Variants in PGGT1B observed in about 807,000 individuals in gnomAD.
PGGT1B encodes the protein geranylgeranyl transferase type-1 subunit beta.
In PGGT1B, 30 loss-of-function variants were observed where a neutral mutation model predicts 46.1. The observed-to-expected ratio is 0.65, with a 90% CI of 0.49 to 0.88. The LOEUF is 0.88. PGGT1B is among the 40% of genes least tolerant of loss of function. The probability of loss-of-function intolerance (pLI) is 0.00; values close to 1 mark genes in which losing one functional copy is unlikely to be tolerated. For missense variants in PGGT1B, 376 were observed against 455.9 expected, an observed-to-expected ratio of 0.82 and a Z score of 1.60; for synonymous variants, 170 against 160.0, an observed-to-expected ratio of 1.06 and a Z score of -0.47.
At chr5:115,252,893 A>G (rs1001597234) in intron 2 of PGGT1B, 1 of 435,792 alleles carries the variant, frequency 2.3e-6, no homozygotes, top group South Asian at 2.8e-5. Flanking sequence ...AGTATACAAC[A>G]TAGTATGGTG....
Position 115,237,892 on chromosome 5 carries a change from C to T in PGGT1B, c.445G>A (p.Ala149Thr). 3 of 1,611,722 alleles carry T rather than the reference C, an allele frequency of 1.9e-6. No homozygotes were observed. The highest frequency in any genetic ancestry group is 2.5e-6 in the Non-Finnish European group (3 of 1,179,726). The stretch of plus-strand genomic sequence containing the variant: ...TCCAGCTGAAGGGCTCTCAAGCCCG[C>T]TAAGCAAGCTTCTTTATTTACTCGG... ...LSRVNKEACL[A>T]GLRALQLEDG... Residue 149 changes from alanine to threonine, a missense_variant, in exon 4 of 9, where the codon GCG becomes ACG. By Grantham distance (58) the Ala-to-Thr change is moderately conservative (BLOSUM62 0). Coordinates refer to ENST00000419445, the MANE Select transcript of PGGT1B (RefSeq NM_005023.4).
chr5:115,258,400 C>T (rs1207970016), intron 1 of PGGT1B, among the ~76,000 whole-genome samples: 2 of 152,188 alleles, frequency 1.3e-5, no homozygotes, highest in Admixed American at 6.5e-5. Flanking sequence ...GGTTCTGGTC[C>T]TGTACCATGT....
At chr5:115,230,901 T>C (rs1756957819) in intron 6 of PGGT1B, 75 bp downstream of exon 6, 2 of 858,460 alleles carry the variant, frequency 2.3e-6, no homozygotes, top group Admixed American at 4.5e-5. Context: ...TCTGAGGTTC[T>C]CCATACTGAA....
intron 8 of PGGT1B, among the ~76,000 whole-genome samples, chr5:115,216,112 T>C (rs182995671): frequency 2.6e-5 from 4 of 152,146 alleles, no homozygotes; most frequent in African/African-American, 9.7e-5. Context: ...GAGAAACACA[T>C]ATATTCAGGA....
intron 6 of PGGT1B, among the ~76,000 whole-genome samples, chr5:115,226,428 G>C (rs1756785347): frequency 6.6e-6 from 1 of 152,116 alleles, no homozygotes; most frequent in Non-Finnish European, 1.5e-5. Context: ...TGGGGATAAA[G>C]AGAATCACTA....
chr5:115,252,785 A>G (rs1320070536), intron 2 of PGGT1B: 3 of 162,650 alleles, frequency 1.8e-5, no homozygotes, highest in African/African-American at 7.2e-5. Flanking sequence ...CACTGAAAAG[A>G]CAAGAATTGT....
intron 2 of PGGT1B, among the ~76,000 whole-genome samples, chr5:115,251,770 T>C (rs1748112540): frequency 6.6e-6 from 1 of 152,014 alleles, no homozygotes; most frequent in Non-Finnish European, 1.5e-5. Context: ...AGTGTGTATA[T>C]GATTTCCTAT....
In PGGT1B at chr5:115,262,840, A is replaced by T; in HGVS notation, c.12T>A (p.Thr4=). Residue 4 remains threonine, a synonymous_variant, in exon 1 of 9, where the codon ACT becomes ACA. Coordinates refer to ENST00000419445, the MANE Select transcript of PGGT1B (RefSeq NM_005023.4). MAA[T]EDERLAGSGE... is the part of the protein sequence containing the mutation. ...CGCTCCCTGCTAGCCTCTCATCCTCAGTGGCCGCCATGCTGCTCCGGAAGC... is the reference window on the plus strand; with the variant it reads ...CGCTCCCTGCTAGCCTCTCATCCTCTGTGGCCGCCATGCTGCTCCGGAAGC... 6.2e-7 allele frequency: 1 copy of T among 1,612,078 alleles called. No homozygotes were observed. Among genetic ancestry groups the T allele is most frequent in the Non-Finnish European group, 8.5e-7 (1 of 1,179,866 alleles).
intron 3 of PGGT1B, among the ~76,000 whole-genome samples, chr5:115,239,371 C>G (rs1757282334): frequency 6.6e-6 from 1 of 152,122 alleles, no homozygotes; most frequent in Non-Finnish European, 1.5e-5. Flanking sequence ...TATGGTCTCA[C>G]AAATGTACCA....
chr5:115,207,180 C>CACATATATATATATATATAT lies in PGGT1B; in HGVS notation c.*5221_*5222insATATATATATATATATATGT, dbSNP rs1554069086. On this transcript the variant is annotated 3_prime_UTR_variant, in exon 9 of 9. Transcript: ENST00000419445. ...ACTAGTTTAGGTTTGCATATACATA[C>CACATATATATATATATATAT]ATATATATATATATATATATATATA... 2.2e-5 allele frequency: 2 copies of CACATATATATATATATATAT among 89,950 alleles called. No homozygotes were observed. Among genetic ancestry groups the CACATATATATATATATATAT allele is most frequent in the African/African-American group, 4.1e-5 (1 of 24,490 alleles). The allele number at this position is 89,950 out of a possible 1,614,324, so 5.6% of individuals were successfully genotyped here.
Position 115,216,724 on chromosome 5 carries a change from C to T in PGGT1B, c.952+141G>A, listed in dbSNP as rs1268449093. On this transcript the variant is annotated intron_variant, in intron 8 of 8. Coordinates refer to ENST00000419445, the MANE Select transcript of PGGT1B (RefSeq NM_005023.4). ...ATACCCTAAATTTATCCTAAGCTTA[C>T]ACAATATACCTTTTAAAAAATATTA... is the stretch of plus-strand genomic sequence containing the variant. 5 of 644,226 alleles carry T rather than the reference C, an allele frequency of 7.8e-6. No homozygotes were observed. The Admixed American group carries it at 1.5e-4, about 20-fold the overall frequency. 39.9% of individuals were successfully genotyped at this position (644,226 alleles called of 1,614,324 possible).
intron 1 of PGGT1B, 85 bp downstream of exon 1, chr5:115,262,627 C>A (rs1748613528): frequency 2.1e-6 from 3 of 1,462,756 alleles, no homozygotes; most frequent in South Asian, 1.3e-5. Context: ...CCCCTTCCGG[C>A]GCCCAGTTTG....
Position 115,210,167 on chromosome 5 carries a change from A to C in PGGT1B, c.*2235T>G, listed in dbSNP as rs180850687. On this transcript the variant is annotated 3_prime_UTR_variant, in exon 9 of 9. Transcript: ENST00000419445. ...ATCTCATTTGTACACAGATGCTCAAAATAAAGCTCCTCCTCCTACCTTCTA... is the reference window on the plus strand; with the variant it reads ...ATCTCATTTGTACACAGATGCTCAACATAAAGCTCCTCCTCCTACCTTCTA... 1.3e-4 allele frequency: 20 copies of C among 152,208 alleles called. No homozygotes were observed. Among genetic ancestry groups the C allele is most frequent in the Admixed American group, 1.2e-3 (18 of 15,276 alleles). 9.4% of individuals were successfully genotyped at this position (152,208 alleles called of 1,614,324 possible).
chr5:115,229,437 G>A (rs1217282791), intron 6 of PGGT1B, among the ~76,000 whole-genome samples: 1 of 152,114 alleles, frequency 6.6e-6, no homozygotes, highest in Non-Finnish European at 1.5e-5. Context: ...TACGCTTTGG[G>A]CATGAACTAT....
chr5:115,235,549 T>C (rs988381917), intron 5 of PGGT1B, among the ~76,000 whole-genome samples: 4 of 152,094 alleles, frequency 2.6e-5, no homozygotes, highest in African/African-American at 9.7e-5. Context: ...GCAAATCAAC[T>C]TGCTGCACCT....
In PGGT1B at chr5:115,212,067, T is replaced by C. The variant is rs554921276; in HGVS notation, c.*335A>G. 1 of 207,420 alleles carries C rather than the reference T, an allele frequency of 4.8e-6. No individual in the cohort carries two copies. Among genetic ancestry groups the C allele is most frequent in the South Asian group, 8.9e-5 (1 of 11,218 alleles). 12.8% of individuals were successfully genotyped at this position (207,420 alleles called of 1,614,324 possible). On this transcript the variant is annotated 3_prime_UTR_variant, in exon 9 of 9. Coordinates refer to ENST00000419445, the MANE Select transcript of PGGT1B (RefSeq NM_005023.4). ...TATATGAAGTGTAAACTTGAAAATT[T>C]GTGTCCATTTTATAATAAGATACAA...
intron 6 of PGGT1B, among the ~76,000 whole-genome samples, chr5:115,229,420 G>A (rs775085503): frequency 5.3e-5 from 8 of 152,094 alleles, no homozygotes; most frequent in Non-Finnish European, 1.2e-4. Flanking sequence ...TAGATAGAAG[G>A]AAGATATACG....
In PGGT1B at chr5:115,236,375, A is replaced by G; in HGVS notation, c.612+15T>C. 6.3e-7 allele frequency: 1 copy of G among 1,585,918 alleles called. No homozygotes were observed. Among genetic ancestry groups the G allele is most frequent in the Non-Finnish European group, 8.6e-7 (1 of 1,168,900 alleles). On this transcript the variant is annotated intron_variant, in intron 5 of 8. Transcript: ENST00000419445. ...AAAAACAACCTAAATAGTCAATTTT[A>G]TCAACAGAACTCACCATACTCCTTC... is the stretch of plus-strand genomic sequence containing the variant.
chr5:115,207,180 C>CATACATATATAT lies in PGGT1B; in HGVS notation c.*5221_*5222insATATATATGTAT, dbSNP rs1554069083. The CATACATATATAT allele has an allele frequency of 3.1e-4, 28 of 89,956 alleles. No individual in the cohort carries two copies. Among genetic ancestry groups the CATACATATATAT allele is most frequent in the South Asian group, 9.5e-4 (3 of 3,166 alleles). 5.6% of individuals were successfully genotyped at this position (89,956 alleles called of 1,614,324 possible). ...ACTAGTTTAGGTTTGCATATACATACATATATATATATATATATATATATA... is the reference window on the plus strand; with the variant it reads ...ACTAGTTTAGGTTTGCATATACATACATACATATATATATATATATATATATATATATATATA... On this transcript the variant is annotated 3_prime_UTR_variant, in exon 9 of 9. Coordinates refer to ENST00000419445, the MANE Select transcript of PGGT1B (RefSeq NM_005023.4).
Sources: allele counts gnomAD v4.1 joint callset (sites outside exome capture counted in the v4.1 genomes callset), GRCh38; gene constraint gnomAD v4.1.1; transcripts MANE v1.5; gene names NCBI Gene and HGNC (gene_info 2026-07-23, HGNC 2026-07-21).